Variants in UTRN observed in about 807,000 individuals in gnomAD.
The protein encoded by UTRN is utrophin, also known as dystrophin-related protein 1.
A neutral mutation model predicts 463.9 loss-of-function variants in UTRN; 283 were observed. The ratio of observed to expected loss-of-function variants is 0.61; its 90% CI spans 0.55 to 0.67. UTRN has a LOEUF of 0.67. Among genes scored for constraint, UTRN ranks in the 30% least tolerant of loss-of-function variants. The pLI, the probability that UTRN is intolerant of heterozygous loss-of-function variation, is 0.00. For missense variants in UTRN, 3,922 were observed against 4,084.3 expected, an observed-to-expected ratio of 0.96 and a Z score of 1.08; for synonymous variants, 1,442 against 1,431.5, an observed-to-expected ratio of 1.01 and a Z score of -0.17.
At chr6:144,748,654 C>A in intron 55 of UTRN, 140 bp downstream of exon 55, 1 of 1,162,724 alleles carries the variant, frequency 8.6e-7, no homozygotes, top group Non-Finnish European at 1.2e-6. Context: ...CATCAGGAGT[C>A]AGGACAGGTG....
chr6:144,583,574 TCTC>T (rs1802184850), intron 51 of UTRN: 4 of 713,526 alleles, frequency 5.6e-6, no homozygotes, highest in Admixed American at 2.0e-5. Flanking sequence ...GGCAGTTTCT[TCTC>T]CTCGGTATCA....
intron 2 of UTRN, among the ~76,000 whole-genome samples, chr6:144,336,311 C>A (rs561564473): frequency 4.6e-5 from 7 of 152,264 alleles, no homozygotes; most frequent in African/African-American, 1.2e-4. Flanking sequence ...CAGTAAACAA[C>A]CTTCAGGGCT....
chr6:144,697,790 TA>T (rs1220195945), intron 52 of UTRN, among the ~76,000 whole-genome samples: 1 of 152,216 alleles, frequency 6.6e-6, no homozygotes, highest in African/African-American at 2.4e-5. Context: ...TAAGTTTCAG[TA>T]ATCAGTTTCA....
intron 26 of UTRN, 137 bp downstream of exon 26, chr6:144,480,119 A>AG: frequency 9.1e-7 from 1 of 1,099,010 alleles, no homozygotes; most frequent in Non-Finnish European, 1.2e-6. Context: ...AATTAAAAAA[A>AG]CATAACAGGG....
At chr6:144,556,299 T>G (rs543904872) in intron 49 of UTRN, among the ~76,000 whole-genome samples, 4 of 152,310 alleles carry the variant, frequency 2.6e-5, no homozygotes, top group African/African-American at 9.6e-5. Flanking sequence ...AGTGGCCAGT[T>G]ATATGCATTT....
In UTRN at chr6:144,762,902, C is replaced by T. The variant is rs540882585; in HGVS notation, c.8495+4913C>T. 3.3e-5 allele frequency among the ~76,000 whole-genome samples: 5 copies of T among 152,312 alleles called. No homozygotes were observed. In the East Asian group the frequency reaches 9.7e-4, roughly 29 times the overall value. ...AGATGTAGTTAGGAAATAAGATTTTCCTTTTTCCTTATAACACCTTCTCTA... is the reference window on the plus strand; with the variant it reads ...AGATGTAGTTAGGAAATAAGATTTTTCTTTTTCCTTATAACACCTTCTCTA... On this transcript the variant is annotated intron_variant, in intron 58 of 74. Transcript: ENST00000367545.
chr6:144,472,923 C>T (rs780389337), intron 23 of UTRN, among the ~76,000 whole-genome samples: 6 of 152,080 alleles, frequency 3.9e-5, no homozygotes, highest in Admixed American at 2.0e-4. Context: ...TGCCCCACCA[C>T]GCCCCCAGCT....
chr6:144,652,344 A>C (rs1459182706), intron 51 of UTRN, among the ~76,000 whole-genome samples: 1 of 152,212 alleles, frequency 6.6e-6, no homozygotes, highest in East Asian at 1.9e-4. Flanking sequence ...CTATCACAAG[A>C]AAATCACGGG....
At chr6:144,742,776 T>C (rs1373259926) in intron 54 of UTRN, among the ~76,000 whole-genome samples, 1 of 152,224 alleles carries the variant, frequency 6.6e-6, no homozygotes, top group Non-Finnish European at 1.5e-5. Context: ...GGAACTGGCA[T>C]GCAATCTCCT....
At chr6:144,591,626 T>C (rs1585436771) in intron 51 of UTRN, among the ~76,000 whole-genome samples, 1 of 152,052 alleles carries the variant, frequency 6.6e-6, no homozygotes, top group East Asian at 1.9e-4. Flanking sequence ...AAAACAAACA[T>C]GGTTGCTTAG....
chr6:144,370,233 G>A (rs1779861166), intron 2 of UTRN, among the ~76,000 whole-genome samples: 1 of 152,172 alleles, frequency 6.6e-6, no homozygotes, highest in African/African-American at 2.4e-5. Flanking sequence ...CAAGCCAGGA[G>A]GTCTAGGAGG....
intron 51 of UTRN, among the ~76,000 whole-genome samples, chr6:144,604,561 C>G (rs1461972240): frequency 6.6e-6 from 1 of 151,958 alleles, no homozygotes; most frequent in Non-Finnish European, 1.5e-5. Flanking sequence ...CATGTGTCTC[C>G]CCAGTACAAT....
At chr6:144,428,581 G>A (rs1330343658) in intron 7 of UTRN, among the ~76,000 whole-genome samples, 197 bp from the exon 8 acceptor site, 1 of 151,568 alleles carries the variant, frequency 6.6e-6, no homozygotes, top group East Asian at 1.9e-4. Context: ...AAGACCCTTG[G>A]AAAGTATTAT....
At chr6:144,423,206 C>G (rs1375699285) in intron 4 of UTRN, among the ~76,000 whole-genome samples, 1 of 152,194 alleles carries the variant, frequency 6.6e-6, no homozygotes, top group African/African-American at 2.4e-5. Context: ...GAACTACAGG[C>G]AATCTTTTAA....
At position 144,476,702 on chromosome 6, in the gene UTRN, G is replaced by T. The variant is rs191553603; in HGVS notation, c.3336+1943G>T. ...TTCACAGGGCCTAATGCTGAGGATT[G>T]CAGGGGCCAATCAAAACAGAAAATC... On this transcript the variant is annotated intron_variant, in intron 25 of 74. Coordinates refer to ENST00000367545, the MANE Select transcript of UTRN (RefSeq NM_007124.3). Among the ~76,000 whole-genome samples the T allele has an allele frequency of 2.6e-5, 4 of 152,266 alleles. No individual in the cohort carries two copies. The East Asian group carries it at 7.7e-4, about 29-fold the overall frequency.
chr6:144,562,179 A>G (rs1388690277), intron 50 of UTRN, among the ~76,000 whole-genome samples: 2 of 152,180 alleles, frequency 1.3e-5, no homozygotes, highest in Non-Finnish European at 2.9e-5. Flanking sequence ...ATTTAAAAAG[A>G]CACAATTATT....
intron 53 of UTRN, among the ~76,000 whole-genome samples, chr6:144,703,695 T>A (rs1204201403): frequency 6.6e-6 from 1 of 152,186 alleles, no homozygotes; most frequent in Non-Finnish European, 1.5e-5. Flanking sequence ...GACAGAAAAT[T>A]AATCATCTCG....
At chr6:144,834,757 G>A (rs1780963315) in intron 69 of UTRN, among the ~76,000 whole-genome samples, 1 of 152,202 alleles carries the variant, frequency 6.6e-6, no homozygotes, top group African/African-American at 2.4e-5. Context: ...AGTAACAGAA[G>A]AAGTCTCTAA....
chr6:144,341,276 GT>G (rs1777121490), intron 2 of UTRN, among the ~76,000 whole-genome samples: 1 of 152,048 alleles, frequency 6.6e-6, no homozygotes, highest in East Asian at 1.9e-4. Flanking sequence ...AAGGAAAAAA[GT>G]TTTTATTTTT....
Sources: gnomAD v4.1 joint callset for allele counts (sites outside exome capture counted in the v4.1 genomes callset) on GRCh38, gnomAD v4.1.1 for gene constraint, MANE v1.5 for transcripts, NCBI Gene and HGNC (gene_info 2026-07-23, HGNC 2026-07-21) for gene names.